The following TTC29 variants were observed in gnomAD, a reference collection of about 807,000 sequenced individuals.
TTC29 encodes tetratricopeptide repeat domain 29.
TTC29 carries 49 observed loss-of-function variants against 58.1 expected under a neutral mutation model. That is an observed-to-expected ratio of 0.84 (90% CI 0.67 to 1.07). The LOEUF is 1.07. Among genes scored for constraint, TTC29 ranks in the 50% least tolerant of loss-of-function variants. The probability of loss-of-function intolerance (pLI) is 0.00; values close to 1 mark genes in which losing one functional copy is unlikely to be tolerated. For missense variants in TTC29, 582 were observed against 555.6 expected, an observed-to-expected ratio of 1.05 and a Z score of -0.48; for synonymous variants, 209 against 196.8, an observed-to-expected ratio of 1.06 and a Z score of -0.52.
At chr4:146,892,512 T>C (rs540411382) in intron 6 of TTC29, among the ~76,000 whole-genome samples, 1 of 152,152 alleles carries the variant, frequency 6.6e-6, no homozygotes, top group Non-Finnish European at 1.5e-5. Flanking sequence ...CTCAATAAAT[T>C]AGGTATTGAT....
intron 9 of TTC29, among the ~76,000 whole-genome samples, chr4:146,830,925 C>A (rs531041938): frequency 6.6e-6 from 1 of 152,294 alleles, no homozygotes; most frequent in African/African-American, 2.4e-5. Flanking sequence ...TTGCGCTATT[C>A]AGGATGCTGT....
chr4:146,748,289 T>G (rs552989491), intron 11 of TTC29, among the ~76,000 whole-genome samples: 2 of 152,212 alleles, frequency 1.3e-5, no homozygotes, highest in East Asian at 3.9e-4. Flanking sequence ...GGGTATGCCT[T>G]AGAACAAGAC....
At chr4:146,716,663 T>A (rs749793031) in intron 11 of TTC29, among the ~76,000 whole-genome samples, 2 of 152,126 alleles carry the variant, frequency 1.3e-5, no homozygotes, top group African/African-American at 2.4e-5. Context: ...ATACTGTAGA[T>A]ATACAGTATC....
chr4:146,746,019 A>G (rs1037347066), intron 11 of TTC29, among the ~76,000 whole-genome samples: 2 of 152,184 alleles, frequency 1.3e-5, no homozygotes, highest in African/African-American at 2.4e-5. Flanking sequence ...TGCAATTGGG[A>G]GGCACAGCTA....
chr4:146,849,291 T>G (rs1178967858), intron 8 of TTC29, among the ~76,000 whole-genome samples: 1 of 152,216 alleles, frequency 6.6e-6, no homozygotes, highest in Non-Finnish European at 1.5e-5. Context: ...TGCCTTGCTC[T>G]GGAGTACACA....
At chr4:146,741,709 C>T (rs1408048423) in intron 11 of TTC29, among the ~76,000 whole-genome samples, 1 of 152,128 alleles carries the variant, frequency 6.6e-6, no homozygotes, top group East Asian at 1.9e-4. Flanking sequence ...TTCTAGCTGC[C>T]TGTACAACTG....
chr4:146,726,385 G>A (rs1453957800), intron 11 of TTC29, among the ~76,000 whole-genome samples: 2 of 151,906 alleles, frequency 1.3e-5, no homozygotes, highest in Non-Finnish European at 2.9e-5. Flanking sequence ...CCCGGGAGGC[G>A]GAGGTTGCAG....
intron 4 of TTC29, among the ~76,000 whole-genome samples, chr4:146,918,879 C>T (rs927180592): frequency 2.0e-5 from 3 of 151,012 alleles, no homozygotes; most frequent in African/African-American, 7.3e-5. Context: ...TATCGAAAAA[C>T]CTCAAACATA....
intron 11 of TTC29, among the ~76,000 whole-genome samples, chr4:146,728,195 G>A (rs1354698929): frequency 6.6e-6 from 1 of 151,784 alleles, no homozygotes; most frequent in African/African-American, 2.4e-5. Flanking sequence ...GCTGAGGCAG[G>A]AGAATCACCT....
At chr4:146,887,206 T>G (rs986455188) in intron 6 of TTC29, among the ~76,000 whole-genome samples, 6 of 152,158 alleles carry the variant, frequency 3.9e-5, no homozygotes, top group Non-Finnish European at 8.8e-5. Context: ...ATAGATCTCA[T>G]TAAGTATTCT....
At chr4:146,771,668 G>C (rs1175334538) in intron 11 of TTC29, among the ~76,000 whole-genome samples, 1 of 151,998 alleles carries the variant, frequency 6.6e-6, no homozygotes, top group Non-Finnish European at 1.5e-5. Context: ...CATTTGATAG[G>C]CATTTAGGTT....
intron 11 of TTC29, among the ~76,000 whole-genome samples, chr4:146,786,803 C>T (rs11933014): frequency 6.6e-6 from 1 of 152,160 alleles, no homozygotes; most frequent in African/African-American, 2.4e-5. Flanking sequence ...GAAAAAAAAT[C>T]TAACCTTTAT....
intron 7 of TTC29, among the ~76,000 whole-genome samples, chr4:146,873,103 A>G (rs779653286): frequency 6.6e-6 from 1 of 152,132 alleles, no homozygotes; most frequent in Non-Finnish European, 1.5e-5. Context: ...CATTACATCA[A>G]CGTACCCTAA....
At chr4:146,900,288 A>G (rs1220494679) in intron 6 of TTC29, among the ~76,000 whole-genome samples, 1 of 152,250 alleles carries the variant, frequency 6.6e-6, no homozygotes, top group African/African-American at 2.4e-5. Flanking sequence ...TAGACTGACA[A>G]AAGTAGTTCC....
intron 9 of TTC29, among the ~76,000 whole-genome samples, chr4:146,824,317 G>A (rs182246294): frequency 1.6e-4 from 25 of 152,232 alleles, no homozygotes; most frequent in African/African-American, 5.8e-4. Flanking sequence ...ATGAAGGGGT[G>A]TTGTATTTTA....
intron 9 of TTC29, among the ~76,000 whole-genome samples, chr4:146,828,028 A>G (rs1035828971): frequency 1.1e-4 from 16 of 152,240 alleles, no homozygotes; most frequent in African/African-American, 3.4e-4. Flanking sequence ...TCTTATTGGT[A>G]AAAGAGTCTT....
intron 8 of TTC29, among the ~76,000 whole-genome samples, chr4:146,845,197 A>G (rs1008837282): frequency 1.3e-5 from 2 of 152,180 alleles, no homozygotes; most frequent in Admixed American, 6.5e-5. Flanking sequence ...AATAAAACAG[A>G]GAAGCACTGA....
At chr4:146,909,353 T>C (rs1458091286) in intron 4 of TTC29, 104 bp from the exon 5 acceptor site, 26 of 883,504 alleles carry the variant, frequency 2.9e-5, no homozygotes, top group Non-Finnish European at 4.3e-5. Context: ...TTGCCTTTTA[T>C]CCCTCAGTGA....
At chr4:146,937,545 A>T in intron 4 of TTC29, 49 bp downstream of exon 4, 1 of 1,201,896 alleles carries the variant, frequency 8.3e-7, no homozygotes, top group Non-Finnish European at 1.2e-6. Flanking sequence ...AAGAATCAAG[A>T]CAAAAGAAAC....
Sources: gnomAD v4.1 joint callset for allele counts (sites outside exome capture counted in the v4.1 genomes callset) on GRCh38, gnomAD v4.1.1 for gene constraint, MANE v1.5 for transcripts, NCBI Gene and HGNC (gene_info 2026-07-23, HGNC 2026-07-21) for gene names.